The following NTM variants were observed in gnomAD, a reference collection of about 807,000 sequenced individuals.
The protein encoded by NTM is IgLON family member 2.
Under a neutral mutation model 42.1 loss-of-function variants are expected in NTM, and 13 were observed. The ratio of observed to expected loss-of-function variants is 0.31; its 90% CI spans 0.20 to 0.49. The LOEUF (loss-of-function observed/expected upper bound fraction) is 0.49, where lower values mean the gene tolerates loss of function less well. NTM is among the 20% of genes least tolerant of loss of function. NTM has a pLI of 0.99. For synonymous variants in NTM, 187 were observed against 179.2 expected (o/e 1.04, Z -0.35); for missense variants, 373 against 452.8 (o/e 0.82, Z 1.60).
chr11:131,434,149 A>T (rs1414160224), intron 1 of NTM, among the ~76,000 whole-genome samples: 1 of 152,160 alleles, frequency 6.6e-6, no homozygotes, highest in African/African-American at 2.4e-5. Context: ...TGGCTGCATA[A>T]TATTCCATGG....
At chr11:131,712,660 G>A (rs2077297607) in intron 1 of NTM, among the ~76,000 whole-genome samples, 1 of 151,728 alleles carries the variant, frequency 6.6e-6, no homozygotes, top group African/African-American at 2.4e-5. Flanking sequence ...TCAGGCTGGA[G>A]TGCCTTGGCA....
intron 2 of NTM, among the ~76,000 whole-genome samples, chr11:131,955,516 C>T (rs2061463946): frequency 6.6e-6 from 1 of 151,978 alleles, no homozygotes; most frequent in Non-Finnish European, 1.5e-5. Flanking sequence ...TGTAGATGGC[C>T]AGAGAGATAA....
chr11:131,702,883 G>C (rs1224488185), intron 1 of NTM, among the ~76,000 whole-genome samples: 1 of 152,178 alleles, frequency 6.6e-6, no homozygotes, highest in East Asian at 1.9e-4. Flanking sequence ...AGGCATAAGA[G>C]TTGATAGACT....
At chr11:132,030,155 A>G (rs980509499) in intron 2 of NTM, among the ~76,000 whole-genome samples, 3 of 152,168 alleles carry the variant, frequency 2.0e-5, no homozygotes, top group African/African-American at 7.2e-5. Context: ...GAGGCCATCT[A>G]CACCTAAACA....
chr11:131,607,326 C>T (rs1366557061), intron 1 of NTM, among the ~76,000 whole-genome samples: 1 of 152,164 alleles, frequency 6.6e-6, no homozygotes, highest in Non-Finnish European at 1.5e-5. Flanking sequence ...TGCCTCTCTG[C>T]TGTTTTGCGG....
chr11:131,979,195 C>G (rs1565872621), intron 2 of NTM, among the ~76,000 whole-genome samples: 1 of 152,158 alleles, frequency 6.6e-6, no homozygotes, highest in Non-Finnish European at 1.5e-5. Flanking sequence ...CACTGAAACA[C>G]AGAAAGTCAA....
intron 7 of NTM, among the ~76,000 whole-genome samples, chr11:132,323,739 A>C (rs1455446118): frequency 6.6e-6 from 1 of 152,168 alleles, no homozygotes; most frequent in Non-Finnish European, 1.5e-5. Flanking sequence ...AGAATTTTAG[A>C]CCAATATCCT....
At chr11:131,464,717 G>A (rs970130891) in intron 1 of NTM, among the ~76,000 whole-genome samples, 1 of 152,200 alleles carries the variant, frequency 6.6e-6, no homozygotes, top group Non-Finnish European at 1.5e-5. Flanking sequence ...ACGCCCTTCT[G>A]CCGGCTGAGA....
intron 1 of NTM, among the ~76,000 whole-genome samples, chr11:131,889,632 G>A (rs1001766269): frequency 5.3e-5 from 8 of 152,172 alleles, no homozygotes; most frequent in Admixed American, 2.6e-4. Context: ...ACTCAGTGGA[G>A]CCTGTTTGCC....
chr11:131,752,193 G>T (rs2082644672), intron 1 of NTM, among the ~76,000 whole-genome samples: 1 of 152,158 alleles, frequency 6.6e-6, no homozygotes, highest in South Asian at 2.1e-4. Flanking sequence ...ACTTTGAAAA[G>T]TTGTATGTTT....
intron 1 of NTM, among the ~76,000 whole-genome samples, chr11:131,654,148 G>T (rs1020581556): frequency 1.3e-5 from 2 of 152,198 alleles, no homozygotes; most frequent in East Asian, 1.9e-4. Flanking sequence ...GGATCGTGGG[G>T]TTCATTTTTA....
At chr11:131,975,731 G>T (rs960670968) in intron 2 of NTM, among the ~76,000 whole-genome samples, 1 of 152,086 alleles carries the variant, frequency 6.6e-6, no homozygotes, top group Non-Finnish European at 1.5e-5. Context: ...GACATAGATG[G>T]GTTGGATTCG....
intron 4 of NTM, among the ~76,000 whole-genome samples, chr11:132,265,924 T>G (rs528245157): frequency 1.6e-4 from 24 of 152,276 alleles, no homozygotes; most frequent in South Asian, 6.2e-4. Context: ...TGTTGGGATT[T>G]CCCACCTGTC....
At chr11:131,373,870 C>G (rs1430255343) in intron 1 of NTM, among the ~76,000 whole-genome samples, 1 of 152,224 alleles carries the variant, frequency 6.6e-6, no homozygotes, top group Non-Finnish European at 1.5e-5. Context: ...ACAGACAGGG[C>G]AGAGGAGAAG....
At chr11:131,993,522 G>A (rs981725299) in intron 2 of NTM, among the ~76,000 whole-genome samples, 31 of 152,162 alleles carry the variant, frequency 2.0e-4, no homozygotes, top group African/African-American at 7.0e-4. Context: ...CCAGGAAGCA[G>A]TTGTATATAT....
At chr11:131,932,222 T>C (rs2058707633) in intron 2 of NTM, among the ~76,000 whole-genome samples, 1 of 152,072 alleles carries the variant, frequency 6.6e-6, no homozygotes, top group African/African-American at 2.4e-5. Context: ...ACAAAATACA[T>C]ACAAAACATA....
intron 1 of NTM, among the ~76,000 whole-genome samples, chr11:131,685,611 C>T (rs2073762847): frequency 1.3e-5 from 2 of 152,186 alleles, no homozygotes; most frequent in Non-Finnish European, 2.9e-5. Context: ...TCCTTCACTT[C>T]TTATCAGAAA....
At chr11:132,087,615 C>T (rs1003257916) in intron 2 of NTM, among the ~76,000 whole-genome samples, 1 of 152,116 alleles carries the variant, frequency 6.6e-6, no homozygotes, top group Non-Finnish European at 1.5e-5. Flanking sequence ...TAGGGTCCTT[C>T]TCAAACAAGG....
chr11:131,819,446 A>G (rs2093087685), intron 1 of NTM, among the ~76,000 whole-genome samples: 1 of 151,968 alleles, frequency 6.6e-6, no homozygotes. Context: ...ATACCCGCTC[A>G]CTCATTCACT....
Sources: allele counts gnomAD v4.1 joint callset (sites outside exome capture counted in the v4.1 genomes callset), GRCh38; gene constraint gnomAD v4.1.1; transcripts MANE v1.5; gene names NCBI Gene and HGNC (gene_info 2026-07-23, HGNC 2026-07-21).